Variants in THAP8 observed in about 807,000 individuals in gnomAD.
The protein encoded by THAP8 is THAP domain-containing protein 8.
In THAP8, 24 loss-of-function variants were observed where a neutral mutation model predicts 25.0. That is an observed-to-expected ratio of 0.96 (90% CI 0.69 to 1.35). The LOEUF (loss-of-function observed/expected upper bound fraction) is 1.35, where lower values mean the gene tolerates loss of function less well. Among genes scored for constraint, THAP8 ranks in the 40% most tolerant of loss-of-function variants. The pLI, the probability that THAP8 is intolerant of heterozygous loss-of-function variation, is 0.00. For synonymous variants in THAP8, 169 were observed against 157.6 expected (o/e 1.07, Z -0.54); for missense variants, 399 against 368.8 (o/e 1.08, Z -0.67).
intron 1 of THAP8, chr19:36,045,913 A>G (rs1410885449): frequency 2.2e-6 from 1 of 456,508 alleles, no homozygotes; most frequent in Non-Finnish European, 4.4e-6. Context: ...ACTGTTAGAA[A>G]ATAATTTGTC....
At chr19:36,040,296 C>A (rs1381744340) in intron 1 of THAP8, among the ~76,000 whole-genome samples, 160 bp from the exon 2 acceptor site, 2 of 152,172 alleles carry the variant, frequency 1.3e-5, no homozygotes, top group Non-Finnish European at 2.9e-5. Flanking sequence ...CTCATACACA[C>A]AACCACAACC....
intron 3 of THAP8, among the ~76,000 whole-genome samples, chr19:36,036,320 G>T (rs1805071555): frequency 7.5e-6 from 1 of 134,020 alleles, no homozygotes; most frequent in South Asian, 2.3e-4. Flanking sequence ...GTGTCACCCA[G>T]GCTGGAGTGC....
chr19:36,050,895 A>G (rs2145460152), intron 1 of THAP8, among the ~76,000 whole-genome samples: 1 of 152,338 alleles, frequency 6.6e-6, no homozygotes, highest in Non-Finnish European at 1.5e-5. Context: ...GGCATTCACC[A>G]AATCCACCCA....
intron 1 of THAP8, among the ~76,000 whole-genome samples, chr19:36,052,650 G>A (rs1970088488): frequency 6.6e-6 from 1 of 152,220 alleles, no homozygotes; most frequent in Non-Finnish European, 1.5e-5. Flanking sequence ...CCCAGGGTTT[G>A]TCTTCTCAGA....
In THAP8 at chr19:36,035,064, T is replaced by C. The variant is rs529146618; in HGVS notation, c.*376A>G. Reference sequence around the variant, plus strand: ...GAATGAGCACCATGAGGGCAGGGATTTTCTCAGCTGTGTCCACCATGGTAT... The same window carrying C: ...GAATGAGCACCATGAGGGCAGGGATCTTCTCAGCTGTGTCCACCATGGTAT... On this transcript the variant is annotated 3_prime_UTR_variant, in exon 4 of 4. Coordinates refer to ENST00000292894, the MANE Select transcript of THAP8 (RefSeq NM_152658.3). 5 of 180,084 alleles carry C rather than the reference T, an allele frequency of 2.8e-5. No homozygotes were observed. Among genetic ancestry groups the C allele is most frequent in the African/African-American group, 1.2e-4 (5 of 42,638 alleles). 11.2% of individuals were successfully genotyped at this position (180,084 alleles called of 1,614,324 possible).
At chr19:36,054,042 A>C (rs1388779149) in intron 1 of THAP8, 93 bp downstream of exon 1, 39 of 1,424,640 alleles carry the variant, frequency 2.7e-5, no homozygotes, top group Non-Finnish European at 3.8e-5. Flanking sequence ...ACCCTCAAGC[A>C]AGACCAGAAG....
chr19:36,039,338 C>T lies in THAP8; in HGVS notation c.657G>A (p.Arg219=). The change falls in exon 3 of 4, where the codon CGG becomes CGA. Residue 219 remains arginine (R), a synonymous_variant. Coordinates refer to ENST00000292894, the MANE Select transcript of THAP8 (RefSeq NM_152658.3). ...TGCCACTCACCAGGCGCTGCAGACC[C>T]CGGCGTGCCCGTGCCAGCAGGCTCT... is the stretch of plus-strand genomic sequence containing the variant. ...HGESLLARAR[R]GLQRLTTAQT... 6.6e-7 allele frequency: 1 copy of T among 1,513,616 alleles called. No homozygotes were observed. Among genetic ancestry groups the T allele is most frequent in the Non-Finnish European group, 8.8e-7 (1 of 1,135,594 alleles). 93.8% of individuals were successfully genotyped at this position (1,513,616 alleles called of 1,614,324 possible). A position where few individuals can be genotyped will look rare whatever the true frequency, so the allele number is the denominator to read the frequency against.
In THAP8 at chr19:36,054,133, A is replaced by G; in HGVS notation, c.83+2T>C. 1 of 1,612,680 alleles carries G rather than the reference A, an allele frequency of 6.2e-7. No individual in the cohort carries two copies. The highest frequency in any genetic ancestry group is 2.2e-5 in the East Asian group (1 of 44,842). On this transcript the variant is annotated splice_donor_variant, in intron 1 of 3. Transcript: ENST00000292894. LOFTEE classifies it high-confidence loss of function. Reference sequence around the variant, plus strand: ...TCAAGCCCCGCCCCGCGCTGCGCTCACTTGTAGAAGCTCACAGGGCGGTTG... The same window carrying G: ...TCAAGCCCCGCCCCGCGCTGCGCTCGCTTGTAGAAGCTCACAGGGCGGTTG...
At chr19:36,043,633 G>A (rs888387832) in intron 1 of THAP8, among the ~76,000 whole-genome samples, 3 of 152,116 alleles carry the variant, frequency 2.0e-5, no homozygotes, top group Non-Finnish European at 4.4e-5. Context: ...TTGGGAGGCC[G>A]AGGTGGGCGG....
At chr19:36,052,257 A>C (rs932450644) in intron 1 of THAP8, among the ~76,000 whole-genome samples, 6 of 152,062 alleles carry the variant, frequency 3.9e-5, no homozygotes, top group Admixed American at 6.6e-5. Context: ...GTTGGCCAGG[A>C]TGGTCTCGAT....
At chr19:36,054,744 A>C (rs1190917275), upstream of THAP8, 2 of 612,026 alleles carry the variant, frequency 3.3e-6, no homozygotes, top group Non-Finnish European at 2.9e-6. Context: ...TTAATCAGGC[A>C]TCCAGTACAC....
chr19:36,040,119 C>G lies in THAP8; in HGVS notation c.101G>C (p.Gly34Ala). Reference sequence around the variant, plus strand: ...CTGCAGCCAGGCCTGCAGCCGGGGACCATCCTTCAGTGGGAACCTGCATGG... The same window carrying G: ...CTGCAGCCAGGCCTGCAGCCGGGGAGCATCCTTCAGTGGGAACCTGCATGG... ...VSFYKFPLKD[G>A]PRLQAWLQHM... is the part of the protein sequence containing the mutation. Residue 34 changes from glycine (G) to alanine (A), a missense_variant, in exon 2 of 4, where the codon GGT becomes GCT. Transcript: ENST00000292894. The G allele has an allele frequency of 1.2e-6, 2 of 1,608,348 alleles. No homozygotes were observed. Among genetic ancestry groups the G allele is most frequent in the African/African-American group, 1.3e-5 (1 of 74,958 alleles).
In THAP8 at chr19:36,035,524, T is replaced by C; in HGVS notation, c.741A>G (p.Ile247Met). 5.6e-6 allele frequency: 9 copies of C among 1,614,194 alleles called. No individual in the cohort carries two copies. Among genetic ancestry groups the C allele is most frequent in the Non-Finnish European group, 6.8e-6 (8 of 1,180,030 alleles). Residue 247 changes from isoleucine (I) to methionine (M), a missense_variant, in exon 4 of 4, where the codon ATA (isoleucine) becomes ATG (methionine). Coordinates refer to ENST00000292894, the MANE Select transcript of THAP8 (RefSeq NM_152658.3). ...CAGGGTCCTGGGCAAGGACCATGGC[T>C]ATGTCAGGCCCTCCACAGATGATGG... ...TFTIICGGPD[I>M]AMVLAQDPAP...
At position 36,049,569 on chromosome 19, in the gene THAP8, G is replaced by A. The variant is rs551406987; in HGVS notation, c.83+4566C>T. 2.0e-5 allele frequency among the ~76,000 whole-genome samples: 3 copies of A among 152,316 alleles called. No individual in the cohort carries two copies. The South Asian group carries it at 6.2e-4, about 32-fold the overall frequency. On this transcript the variant is annotated intron_variant, in intron 1 of 3. Transcript: ENST00000292894. Reference sequence around the variant, plus strand: ...CTTCTGCAAGACTGACTCAGGGGTAGGCCCTGAGGTGGAAATGGGCTAGTC... The same window carrying A: ...CTTCTGCAAGACTGACTCAGGGGTAAGCCCTGAGGTGGAAATGGGCTAGTC...
intron 3 of THAP8, 32 bp from the exon 4 acceptor site, chr19:36,035,624 A>G (rs201732078): frequency 5.7e-4 from 909 of 1,597,242 alleles, no homozygotes; most frequent in Non-Finnish European, 7.4e-4. Context: ...GATGGGGAAC[A>G]TTACGAAGCA....
At chr19:36,044,615 G>A (rs1341205861) in intron 1 of THAP8, among the ~76,000 whole-genome samples, 1 of 151,964 alleles carries the variant, frequency 6.6e-6, no homozygotes, top group Non-Finnish European at 1.5e-5. Context: ...TCAGCCTCCC[G>A]AGTACCTGGG....
chr19:36,050,377 C>A (rs1446442375), intron 1 of THAP8, among the ~76,000 whole-genome samples: 1 of 152,176 alleles, frequency 6.6e-6, no homozygotes, highest in Non-Finnish European at 1.5e-5. Context: ...TTGCTGGGCT[C>A]AAGCGATCCT....
In THAP8 at chr19:36,040,104, G is replaced by A. The variant is rs1299021966; in HGVS notation, c.116C>T (p.Ala39Val). The change falls in exon 2 of 4, where the codon GCC (alanine) becomes GTC (valine). Residue 39 changes from alanine (A) to valine (V), a missense_variant. Physicochemically the swap from Ala to Val is moderately conservative, Grantham distance 64. Transcript: ENST00000292894. ...FPLKDGPRLQ[A>V]WLQHMGCEHW... The stretch of plus-strand genomic sequence containing the variant: ...CTCACAGCCCATGTGCTGCAGCCAG[G>A]CCTGCAGCCGGGGACCATCCTTCAG... 1.2e-6 allele frequency: 2 copies of A among 1,611,790 alleles called. No homozygotes were observed. The highest frequency in any genetic ancestry group is 1.7e-6 in the Non-Finnish European group (2 of 1,178,792).
chr19:36,036,947 A>C, intron 3 of THAP8, among the ~76,000 whole-genome samples: 1 of 110,050 alleles, frequency 9.1e-6, no homozygotes, highest in African/African-American at 3.2e-5. Flanking sequence ...TCTCAAAAAA[A>C]AAAAAAAAAA....
Sources: gnomAD v4.1 joint callset for allele counts (sites outside exome capture counted in the v4.1 genomes callset) on GRCh38, gnomAD v4.1.1 for gene constraint, MANE v1.5 for transcripts, NCBI Gene and HGNC (gene_info 2026-07-23, HGNC 2026-07-21) for gene names.